Variants in SYT17 observed in about 807,000 individuals in gnomAD.
SYT17 encodes the protein synaptotagmin 17.
SYT17 carries 22 observed loss-of-function variants against 46.7 expected under a neutral mutation model. That is an observed-to-expected ratio of 0.47 (90% CI 0.34 to 0.67). The LOEUF (loss-of-function observed/expected upper bound fraction) is 0.67. Ranked by LOEUF, SYT17 falls within the 30% of genes least tolerant of loss-of-function variation. The probability of loss-of-function intolerance (pLI) is 0.01; values close to 1 mark genes in which losing one functional copy is unlikely to be tolerated. For missense variants in SYT17, 519 were observed against 612.8 expected (o/e 0.85, Z 1.62); for synonymous variants, 251 against 248.4 (o/e 1.01, Z -0.10).
intron 7 of SYT17, among the ~76,000 whole-genome samples, chr16:19,232,141 C>T (rs1288033773): frequency 6.6e-6 from 1 of 152,168 alleles, no homozygotes; most frequent in Admixed American, 6.5e-5. Flanking sequence ...GCATGAAAGA[C>T]CCCCACACCC....
At chr16:19,236,813 C>A (rs1966855311) in intron 7 of SYT17, among the ~76,000 whole-genome samples, 1 of 152,136 alleles carries the variant, frequency 6.6e-6, no homozygotes, top group Admixed American at 6.5e-5. Flanking sequence ...CTTTGGCATC[C>A]AGAGATTTTA....
At chr16:19,173,750 C>A (rs756947004) in intron 3 of SYT17, among the ~76,000 whole-genome samples, 172 bp downstream of exon 3, 2 of 152,052 alleles carry the variant, frequency 1.3e-5, no homozygotes, top group Non-Finnish European at 2.9e-5. Flanking sequence ...TGTTCTGTAC[C>A]CCTCATTTTG....
intron 5 of SYT17, among the ~76,000 whole-genome samples, chr16:19,219,731 A>AT (rs1966236654): frequency 6.6e-6 from 1 of 152,062 alleles, no homozygotes; most frequent in Non-Finnish European, 1.5e-5. Flanking sequence ...TCATTTATGT[A>AT]TTTTTTAAAA....
At chr16:19,248,757 A>G (rs60140406) in intron 7 of SYT17, among the ~76,000 whole-genome samples, 22,941 of 151,844 alleles carry the variant, frequency 0.15, 2,495 homozygotes, top group African/African-American at 0.3. Flanking sequence ...GGGAGGCGGA[A>G]GTTGCAGTGA....
intron 5 of SYT17, among the ~76,000 whole-genome samples, chr16:19,215,272 C>T (rs942755821): frequency 5.9e-5 from 9 of 152,130 alleles, no homozygotes; most frequent in Non-Finnish European, 1.0e-4. Context: ...CAAGAGCACA[C>T]ACCTGTTCTG....
intron 5 of SYT17, among the ~76,000 whole-genome samples, chr16:19,209,802 C>T (rs1382323212): frequency 6.6e-6 from 1 of 151,938 alleles, no homozygotes; most frequent in Admixed American, 6.6e-5. Context: ...GGCGTGAACC[C>T]GGGAGGCGGA....
At chr16:19,196,000 C>T (rs1965227256) in intron 5 of SYT17, among the ~76,000 whole-genome samples, 1 of 151,822 alleles carries the variant, frequency 6.6e-6, no homozygotes, top group African/African-American at 2.4e-5. Flanking sequence ...AAAAAACCCA[C>T]CAAAACCAAA....
At chr16:19,208,019 A>G (rs1185534085) in intron 5 of SYT17, among the ~76,000 whole-genome samples, 1 of 152,230 alleles carries the variant, frequency 6.6e-6, no homozygotes, top group Non-Finnish European at 1.5e-5. Context: ...TTTTATAAGG[A>G]AATAAAGATC....
At chr16:19,246,885 GA>G (rs1222896410) in intron 7 of SYT17, among the ~76,000 whole-genome samples, 2 of 152,184 alleles carry the variant, frequency 1.3e-5, no homozygotes, top group Non-Finnish European at 2.9e-5. Flanking sequence ...TTTAATGTGG[GA>G]AGACAGGCAA....
At position 19,252,470 on chromosome 16, in the gene SYT17, CATATATAT is replaced by C. The variant is rs1225454065; in HGVS notation, c.1229-14406_1229-14399del. Reference sequence around the variant, plus strand: ...ATACACATATATACATATATATATACATATATATATACATATATATATACATATATATA... The same window carrying C: ...ATACACATATATACATATATATATACATACATATATATATACATATATATA... On this transcript the variant is annotated intron_variant, in intron 7 of 7. Transcript: ENST00000355377. Among the ~76,000 whole-genome samples, 16 of 3,752 alleles carry C rather than the reference CATATATAT, an allele frequency of 4.3e-3. 6 individuals carry two copies. Among genetic ancestry groups the C allele is most frequent in the African/African-American group, 7.8e-3 (4 of 512 alleles). The allele number at this position is 3,752 out of a possible 152,430, so 2.5% of individuals were successfully genotyped here.
At chr16:19,264,190 A>G (rs746876313) in intron 7 of SYT17, among the ~76,000 whole-genome samples, 5 of 152,212 alleles carry the variant, frequency 3.3e-5, no homozygotes, top group East Asian at 1.9e-4. Context: ...ACTGTGAGCA[A>G]TAAGTTTTTG....
chr16:19,243,662 T>G (rs969736830), intron 7 of SYT17, among the ~76,000 whole-genome samples: 1 of 151,276 alleles, frequency 6.6e-6, no homozygotes, highest in Non-Finnish European at 1.5e-5. Flanking sequence ...CTACTAAAAA[T>G]AGAAAATTAG....
intron 3 of SYT17, among the ~76,000 whole-genome samples, chr16:19,176,019 G>A (rs992225524): frequency 3.3e-5 from 5 of 152,154 alleles, no homozygotes; most frequent in African/African-American, 1.2e-4. Context: ...CTAGAGTTGT[G>A]CATTTACACC....
rs2142611875 is a variant in SYT17, at chr16:19,185,895, G to GAAGCTGCAC, written c.951+1748_951+1749insAAGCTGCAC. Among the ~76,000 whole-genome samples, 4 of 152,336 alleles carry GAAGCTGCAC rather than the reference G, an allele frequency of 2.6e-5. No homozygotes were observed. The South Asian group carries it at 8.3e-4, about 32-fold the overall frequency. On this transcript the variant is annotated intron_variant, in intron 5 of 7. Transcript: ENST00000355377. The stretch of plus-strand genomic sequence containing the variant: ...GTGTCGCCTTCCAGTGCACTAAGCG[G>GAAGCTGCAC]TAATCACACCTGGTGAATATCTAAT...
chr16:19,249,848 A>G (rs1967904767), intron 7 of SYT17: 3 of 1,326,626 alleles, frequency 2.3e-6, no homozygotes, highest in Middle Eastern at 2.1e-4. Context: ...GATAACCTGG[A>G]GTCACTGGGG....
intron 5 of SYT17, among the ~76,000 whole-genome samples, chr16:19,207,998 C>G (rs1049615970): frequency 6.6e-6 from 1 of 152,082 alleles, no homozygotes; most frequent in South Asian, 2.1e-4. Flanking sequence ...GATGAATGGC[C>G]AAACTTTAAG....
chr16:19,231,495 C>T (rs1238261384), intron 7 of SYT17, among the ~76,000 whole-genome samples: 1 of 132,984 alleles, frequency 7.5e-6, no homozygotes, highest in Non-Finnish European at 1.5e-5. Flanking sequence ...AGCACTCCAG[C>T]CTGGGCAACA....
Position 19,266,926 on chromosome 16 carries a change from C to A in SYT17, c.1275C>A (p.Ile425=), listed in dbSNP as rs780389431. The change falls in exon 8 of 8, where the codon ATC becomes ATA. Residue 425 remains isoleucine (I), a synonymous_variant. Coordinates refer to ENST00000355377, the MANE Select transcript of SYT17 (RefSeq NM_016524.4). ...MKSSNDFIGR[I]VIGQYSSGPS... is the part of the protein sequence containing the mutation. ...GCAGCAATGACTTCATCGGGAGGAT[C>A]GTCATTGGCCAGTACTCTTCAGGCC... is the stretch of plus-strand genomic sequence containing the variant. The A allele has an allele frequency of 5.7e-5, 92 of 1,613,540 alleles. No individual in the cohort carries two copies. Among genetic ancestry groups the A allele is most frequent in the Non-Finnish European group, 7.5e-5 (88 of 1,179,948 alleles).
chr16:19,195,213 C>T (rs1965186426), intron 5 of SYT17, among the ~76,000 whole-genome samples: 1 of 152,116 alleles, frequency 6.6e-6, no homozygotes, highest in Non-Finnish European at 1.5e-5. Context: ...CTATTATTAT[C>T]ACCCCATTTT....
Sources: gnomAD v4.1 joint callset for allele counts (sites outside exome capture counted in the v4.1 genomes callset) on GRCh38, gnomAD v4.1.1 for gene constraint, MANE v1.5 for transcripts, NCBI Gene and HGNC (gene_info 2026-07-23, HGNC 2026-07-21) for gene names.